PDLIM5: variants seen among roughly 807,000 people sequenced by gnomAD.
The protein encoded by PDLIM5 is PDZ and LIM domain 5.
Under a neutral mutation model 64.2 loss-of-function variants are expected in PDLIM5, and 34 were observed. The observed-to-expected ratio is 0.53, with a 90% confidence interval of 0.40 to 0.71. PDLIM5 has a LOEUF of 0.71. PDLIM5 is among the 30% of genes least tolerant of loss of function. The pLI, the probability that PDLIM5 is intolerant of heterozygous loss-of-function variation, is 0.00. For synonymous variants in PDLIM5, 253 were observed against 269.1 expected (o/e 0.94, Z 0.59); for missense variants, 683 against 733.6 (o/e 0.93, Z 0.80).
At chr4:94,498,368 G>A (rs2438142) in intron 2 of PDLIM5, among the ~76,000 whole-genome samples, 34,492 of 151,962 alleles carry the variant, frequency 0.23, 4,029 homozygotes, top group East Asian at 0.26. Context: ...CACAGTTCAC[G>A]ACTTTCACAC....
Position 94,477,273 on chromosome 4 carries a change from G to A in PDLIM5, c.96+21889G>A, listed in dbSNP as rs111270516. Among the ~76,000 whole-genome samples the A allele has an allele frequency of 5.3e-5, 8 of 152,310 alleles. 1 individual carries two copies. The highest frequency in any genetic ancestry group is 1.4e-4 in the African/African-American group (6 of 41,574). ...ACAATAGCTGCTCTTCGTAGAGCCA[G>A]CCCTGCTATATCCTGGTATTTAGGA... On this transcript the variant is annotated intron_variant, in intron 2 of 12. Transcript: ENST00000317968.
intron 7 of PDLIM5, among the ~76,000 whole-genome samples, chr4:94,613,101 G>A (rs11934623): frequency 0.047 from 7,080 of 151,920 alleles, 588 homozygotes; most frequent in African/African-American, 0.16. Context: ...TTTTAAAGGC[G>A]TTCTGACAGA....
At chr4:94,509,936 G>A (rs1441040823) in intron 2 of PDLIM5, among the ~76,000 whole-genome samples, 4 of 151,976 alleles carry the variant, frequency 2.6e-5, no homozygotes, top group African/African-American at 7.3e-5. Flanking sequence ...AGACACACCC[G>A]GGATCAATAC....
Position 94,663,993 on chromosome 4 carries a change from T to A in PDLIM5, c.1717T>A (p.Leu573Met). 1 of 1,604,558 alleles carries A rather than the reference T, an allele frequency of 6.2e-7. No individual in the cohort carries two copies. The highest frequency in any genetic ancestry group is 1.1e-5 in the South Asian group (1 of 90,212). ...TCTTTTTCAGGTGTGTTGTGAAAGT[T>A]TGGAAGGTCAGACCTTTTTCTCCAA... ...CFVCSVCCES[L>M]EGQTFFSKKD... Residue 573 changes from leucine to methionine, a missense_variant, in exon 13 of 13, where the codon TTG (leucine) becomes ATG (methionine). Leu to Met is a conservative substitution (Grantham distance 15). Transcript: ENST00000317968.
chr4:94,521,601 C>T (rs551237788), intron 2 of PDLIM5, among the ~76,000 whole-genome samples: 1 of 150,110 alleles, frequency 6.7e-6, no homozygotes, highest in Non-Finnish European at 1.5e-5. Flanking sequence ...GAGATGATAG[C>T]CTCTCAAGAG....
intron 2 of PDLIM5, among the ~76,000 whole-genome samples, chr4:94,458,613 T>C (rs1290854379): frequency 6.6e-6 from 1 of 152,218 alleles, no homozygotes; most frequent in Non-Finnish European, 1.5e-5. Context: ...TTAGGTATTA[T>C]TATGTTGAAC....
chr4:94,529,625 A>G (rs900279542), intron 3 of PDLIM5, among the ~76,000 whole-genome samples: 2 of 152,202 alleles, frequency 1.3e-5, no homozygotes, highest in Non-Finnish European at 2.9e-5. Flanking sequence ...GGGGCATATA[A>G]TAAAGCAAAC....
At chr4:94,566,847 G>A (rs1578389578) in intron 3 of PDLIM5, among the ~76,000 whole-genome samples, 3 of 152,160 alleles carry the variant, frequency 2.0e-5, no homozygotes, top group Admixed American at 2.0e-4. Flanking sequence ...CCCTCATTCA[G>A]CATCTGACCT....
At chr4:94,532,294 A>C (rs73833956) in intron 3 of PDLIM5, among the ~76,000 whole-genome samples, 3,821 of 152,276 alleles carry the variant, frequency 0.025, 152 homozygotes, top group African/African-American at 0.086. Flanking sequence ...GAAGGGACGG[A>C]CGAACGTAGA....
chr4:94,555,418 A>G (rs1733202684), intron 3 of PDLIM5, among the ~76,000 whole-genome samples: 1 of 152,194 alleles, frequency 6.6e-6, no homozygotes. Flanking sequence ...TAACCCCATC[A>G]TTAGTCTAGG....
chr4:94,495,965 A>G (rs1425300407), intron 2 of PDLIM5, among the ~76,000 whole-genome samples: 2 of 152,140 alleles, frequency 1.3e-5, no homozygotes, highest in Non-Finnish European at 2.9e-5. Flanking sequence ...GAGGAGAGAA[A>G]ACTCTAACAA....
chr4:94,485,781 C>T (rs1226451749), intron 2 of PDLIM5, among the ~76,000 whole-genome samples: 4 of 144,188 alleles, frequency 2.8e-5, no homozygotes, highest in African/African-American at 7.8e-5. Flanking sequence ...ACCTGGAAGG[C>T]GGAAGTTGCA....
intron 3 of PDLIM5, among the ~76,000 whole-genome samples, chr4:94,524,547 CT>C (rs199637892): frequency 8.1e-4 from 118 of 145,176 alleles, no homozygotes; most frequent in East Asian, 6.4e-3. Flanking sequence ...GTCCTTTTCT[CT>C]TTTTTTTTTT....
chr4:94,522,458 C>G (rs1322946613), intron 2 of PDLIM5, among the ~76,000 whole-genome samples: 1 of 152,040 alleles, frequency 6.6e-6, no homozygotes, highest in East Asian at 1.9e-4. Context: ...TCACTGCAAC[C>G]TCTGCCTCCC....
chr4:94,498,737 T>C (rs1012147746), intron 2 of PDLIM5, among the ~76,000 whole-genome samples: 1 of 152,220 alleles, frequency 6.6e-6, no homozygotes, highest in African/African-American at 2.4e-5. Flanking sequence ...TGGGAAGACC[T>C]CTGAATCATA....
intron 2 of PDLIM5, among the ~76,000 whole-genome samples, chr4:94,481,468 G>A (rs1359034256): frequency 6.6e-6 from 1 of 151,944 alleles, no homozygotes; most frequent in Non-Finnish European, 1.5e-5. Flanking sequence ...ATTTTTAGTA[G>A]AGATGGGGTT....
At chr4:94,569,295 G>A (rs1217093804) in intron 3 of PDLIM5, among the ~76,000 whole-genome samples, 2 of 151,816 alleles carry the variant, frequency 1.3e-5, no homozygotes, top group Non-Finnish European at 1.5e-5. Context: ...TGAATGACTT[G>A]ATAAAGTCAT....
intron 2 of PDLIM5, among the ~76,000 whole-genome samples, chr4:94,469,905 A>AT (rs1042412153): frequency 5.0e-5 from 7 of 138,990 alleles, no homozygotes; most frequent in East Asian, 4.3e-4. Flanking sequence ...CACATACATG[A>AT]TTTTTTTTCA....
chr4:94,645,559 T>C (rs1301058537), intron 9 of PDLIM5, among the ~76,000 whole-genome samples: 1 of 152,194 alleles, frequency 6.6e-6, no homozygotes, highest in African/African-American at 2.4e-5. Context: ...CATTCATTCA[T>C]TAAATATTTA....
Sources: gnomAD v4.1 joint callset for allele counts (sites outside exome capture counted in the v4.1 genomes callset) on GRCh38, gnomAD v4.1.1 for gene constraint, MANE v1.5 for transcripts, NCBI Gene and HGNC (gene_info 2026-07-23, HGNC 2026-07-21) for gene names.